STRN4: variants seen among roughly 807,000 people sequenced by gnomAD.
The protein encoded by STRN4 is striatin-4.
STRN4 carries 27 observed loss-of-function variants against 77.9 expected under a neutral mutation model. The ratio of observed to expected loss-of-function variants is 0.35; its 90% CI spans 0.26 to 0.48. STRN4 has a LOEUF of 0.48. STRN4 is among the 20% of genes least tolerant of loss of function. STRN4 has a pLI of 0.99. For synonymous variants in STRN4, 466 were observed against 443.1 expected, an observed-to-expected ratio of 1.05 and a Z score of -0.65; for missense variants, 798 against 1,049.7, an observed-to-expected ratio of 0.76 and a Z score of 3.31.
At chr19:46,730,568 C>T (rs1319457665) in intron 6 of STRN4, among the ~76,000 whole-genome samples, 164 bp downstream of exon 6, 7 of 152,192 alleles carry the variant, frequency 4.6e-5, no homozygotes, top group Admixed American at 3.9e-4. Context: ...TGACTATTTA[C>T]AAGGCCGCTG....
chr19:46,722,227 G>C lies in STRN4; in HGVS notation c.2005+15C>G, dbSNP rs1461321070. On this transcript the variant is annotated intron_variant, in intron 15 of 17. Transcript: ENST00000263280. ...CCCTCCCCACCCACTACGAGCACAA[G>C]GGGCTAGGCCTCACCTGTCCGATTG... 6.2e-7 allele frequency: 1 copy of C among 1,613,560 alleles called. No individual in the cohort carries two copies. The highest frequency in any genetic ancestry group is 1.7e-5 in the Admixed American group (1 of 60,002).
Position 46,733,395 on chromosome 19 carries a change from G to T in STRN4, c.540-159C>A. The T allele has an allele frequency of 1.5e-6, 1 of 665,628 alleles. No homozygotes were observed. Among genetic ancestry groups the T allele is most frequent in the Non-Finnish European group, 2.6e-6 (1 of 386,884 alleles). The allele number at this position is 665,628 out of a possible 1,614,324, so 41.2% of individuals were successfully genotyped here. ...CTCGCTCCAGCAGTTCCCCGTCAAG[G>T]CTATTTCCAGTGGAAGCCCTTGTAC... On this transcript the variant is annotated intron_variant, in intron 4 of 17. Transcript: ENST00000263280. The surrounding 1 kb of genome is among the most constrained non-coding windows in gnomAD (Gnocchi z 4.3).
rs1308176514 is a variant in STRN4 at position 46,728,746 on chromosome 19, T to C, written c.911A>G (p.Glu304Gly). Residue 304 changes from glutamate to glycine, a missense_variant, in exon 7 of 18, where the codon GAA becomes GGA. By Grantham distance (98) the Glu-to-Gly change is moderately conservative. Around this residue, in one of 2 missense-constraint regions of STRN4, gnomAD observed 511 missense variants for 575.9 expected, o/e 0.89. Coordinates refer to ENST00000263280, the MANE Select transcript of STRN4 (RefSeq NM_013403.3). ...AGAGTCGTCTTCCTCATCCTCGTCT[T>C]CCATTTCGGGCACCAGAGCCTTGGA... ...LPSKALVPEM[E>G]DEDEEDDSED... 6.2e-7 allele frequency: 1 copy of C among 1,614,142 alleles called. No individual in the cohort carries two copies.
At chr19:46,739,797 G>A (rs1429821848) in intron 1 of STRN4, among the ~76,000 whole-genome samples, 1 of 152,232 alleles carries the variant, frequency 6.6e-6, no homozygotes, top group Non-Finnish European at 1.5e-5. Flanking sequence ...TCTAGAAAAT[G>A]AGAGTCACAA....
Position 46,722,354 on chromosome 19 carries a change from C to G in STRN4, c.1907-14G>C. 6.2e-7 allele frequency: 1 copy of G among 1,612,374 alleles called. No individual in the cohort carries two copies. The highest frequency in any genetic ancestry group is 8.5e-7 in the Non-Finnish European group (1 of 1,178,554). On this transcript the variant is annotated splice_polypyrimidine_tract_variant and intron_variant, in intron 14 of 17. Coordinates refer to ENST00000263280, the MANE Select transcript of STRN4 (RefSeq NM_013403.3). The stretch of plus-strand genomic sequence containing the variant: ...TCTGGGTTGGACCTGAAGGAAAACG[C>G]AGGAAGAGGGAAGGATGTCAAGCAG...
At chr19:46,735,053 C>A (rs1193143695) in intron 4 of STRN4, among the ~76,000 whole-genome samples, 1 of 152,082 alleles carries the variant, frequency 6.6e-6, no homozygotes, top group Non-Finnish European at 1.5e-5. Flanking sequence ...CACCTGTAAT[C>A]CCAGCAGTTT....
chr19:46,745,596 G>A (rs1167757946), intron 1 of STRN4, among the ~76,000 whole-genome samples: 1 of 152,054 alleles, frequency 6.6e-6, no homozygotes, highest in African/African-American at 2.4e-5. Flanking sequence ...TTTCCCAGCG[G>A]GTCCCAAGTT....
chr19:46,737,540 G>A (rs1249022685), intron 3 of STRN4, among the ~76,000 whole-genome samples: 2 of 83,914 alleles, frequency 2.4e-5, no homozygotes, highest in East Asian at 2.8e-4. Context: ...CACCCAGCCC[G>A]CCCTCCCACA....
At chr19:46,725,039 A>T in intron 11 of STRN4, 111 bp from the exon 12 acceptor site, 3 of 1,501,588 alleles carry the variant, frequency 2.0e-6, no homozygotes, top group Non-Finnish European at 2.7e-6. Context: ...AAAGGAATTC[A>T]GTGACTGGGG....
intron 12 of STRN4, among the ~76,000 whole-genome samples, chr19:46,724,336 G>A (rs1292714569): frequency 1.3e-5 from 2 of 150,526 alleles, no homozygotes; most frequent in African/African-American, 2.5e-5. Flanking sequence ...TCCCTACTTA[G>A]GTCTTAGATG....
chr19:46,746,349 G>C lies in STRN4; in HGVS notation c.82C>G (p.Pro28Ala), dbSNP rs1423036114. The part of the protein sequence containing the change: ...RPLGSGAGPG[P>A]TGAAPVSAPA... ...GCGGAGACCGGGGCCGCCCCAGTGGGGCCAGGGCCCGCGCCTGAGCCGAGC... is the reference window on the plus strand; with the variant it reads ...GCGGAGACCGGGGCCGCCCCAGTGGCGCCAGGGCCCGCGCCTGAGCCGAGC... Residue 28 changes from proline (P) to alanine (A), a missense_variant, in exon 1 of 18, where the codon CCC becomes GCC. By Grantham distance (27) the Pro-to-Ala change is conservative. Around this residue, in one of 2 missense-constraint regions of STRN4, gnomAD observed 511 missense variants for 575.9 expected, o/e 0.89. Transcript: ENST00000263280. 8.1e-7 allele frequency: 1 copy of C among 1,232,474 alleles called. No homozygotes were observed. Among genetic ancestry groups the C allele is most frequent in the Admixed American group, 4.5e-5 (1 of 22,064 alleles). 76.3% of individuals were successfully genotyped at this position (1,232,474 alleles called of 1,614,324 possible).
At chr19:46,724,997 A>G (rs564798368) in intron 11 of STRN4, 69 bp from the exon 12 acceptor site, 134 of 1,603,990 alleles carry the variant, frequency 8.4e-5, no homozygotes, top group Non-Finnish European at 1.0e-4. Flanking sequence ...ACAGGACCTA[A>G]GTTCCCTACT....
chr19:46,744,616 C>T (rs1393368248), intron 1 of STRN4, among the ~76,000 whole-genome samples: 2 of 152,078 alleles, frequency 1.3e-5, no homozygotes, highest in African/African-American at 2.4e-5. Flanking sequence ...AACTCCTGGG[C>T]TCAAGGGATT....
rs1458166898 is a variant in STRN4, at chr19:46,721,524, C to G, written c.2092+462G>C. 1.5e-5 allele frequency: 3 copies of G among 194,626 alleles called. No individual in the cohort carries two copies. The Admixed American group carries it at 1.6e-4, about 10-fold the overall frequency. 12.1% of individuals were successfully genotyped at this position (194,626 alleles called of 1,614,324 possible). A position where few individuals can be genotyped will look rare whatever the true frequency, so the allele number is the denominator to read the frequency against. ...ACTCACTGCAGGCCTCACCCTTCAC[C>G]CCCACAGCGACCTCCAGTCTCCTTC... is the stretch of plus-strand genomic sequence containing the variant. On this transcript the variant is annotated intron_variant, in intron 16 of 17. Transcript: ENST00000263280.
At chr19:46,736,776 G>A (rs993016052) in intron 4 of STRN4, 47 bp downstream of exon 4, 1 of 1,589,238 alleles carries the variant, frequency 6.3e-7, no homozygotes, top group African/African-American at 1.3e-5. Flanking sequence ...TATCTCTCAA[G>A]CCAAACGTGT....
chr19:46,737,045 T>A, intron 3 of STRN4, 144 bp from the exon 4 acceptor site: 1 of 649,878 alleles, frequency 1.5e-6, no homozygotes, highest in Non-Finnish European at 2.6e-6. Flanking sequence ...GGAACCCTGC[T>A]CTCTTCCCTT....
chr19:46,724,289 G>A (rs897561494), intron 12 of STRN4, among the ~76,000 whole-genome samples: 6 of 145,864 alleles, frequency 4.1e-5, no homozygotes, highest in African/African-American at 7.8e-5. Context: ...AGAGAACAGG[G>A]GGACAGATGT....
intron 6 of STRN4, 117 bp from the exon 7 acceptor site, chr19:46,728,894 C>A: frequency 7.0e-7 from 1 of 1,427,590 alleles, no homozygotes; most frequent in Non-Finnish European, 9.4e-7. Flanking sequence ...CATGGGGCTG[C>A]CTCAGCCGCC....
At chr19:46,732,943 C>T in intron 5 of STRN4, 96 bp downstream of exon 5, 1 of 1,445,100 alleles carries the variant, frequency 6.9e-7, no homozygotes, top group Non-Finnish European at 9.3e-7. Flanking sequence ...GAGGGGCCGC[C>T]AGGGCACCCA....
Sources: allele counts gnomAD v4.1 joint callset (sites outside exome capture counted in the v4.1 genomes callset), GRCh38; gene constraint gnomAD v4.1.1; regional missense constraint gnomAD v4.1.1; non-coding constraint Gnocchi (gnomAD v3.1); transcripts MANE v1.5; gene names NCBI Gene and HGNC (gene_info 2026-07-23, HGNC 2026-07-21).